Variants in DNAJB6 observed in about 807,000 individuals in gnomAD.
DNAJB6 encodes the protein dnaJ homolog subfamily B member 6.
Under a neutral mutation model 42.7 loss-of-function variants are expected in DNAJB6, and 16 were observed. The ratio of observed to expected loss-of-function variants is 0.37; its 90% CI spans 0.25 to 0.57. The LOEUF is 0.57. Among genes scored for constraint, DNAJB6 ranks in the 20% least tolerant of loss-of-function variants. DNAJB6 has a pLI of 0.74. For missense variants in DNAJB6, 347 were observed against 416.8 expected, an observed-to-expected ratio of 0.83 and a Z score of 1.46; for synonymous variants, 170 against 163.5, an observed-to-expected ratio of 1.04 and a Z score of -0.30.
chr7:157,385,494 G>T, intron 7 of DNAJB6, 47 bp from the exon 8 acceptor site: 8 of 1,586,956 alleles, frequency 5.0e-6, no homozygotes, highest in Non-Finnish European at 6.9e-6. Context: ...CCTCACACAT[G>T]CATTTTCTTT....
rs1563115199 is a variant in DNAJB6, at chr7:157,353,588, TGTGTGTGTG to T, written c.-26-4958_-26-4950del. Among the ~76,000 whole-genome samples, 483 of 108,434 alleles carry T rather than the reference TGTGTGTGTG, an allele frequency of 4.5e-3. 4 individuals carry two copies. The highest frequency in any genetic ancestry group is 0.022 in the African/African-American group (460 of 21,288). 71.1% of individuals were successfully genotyped at this position (108,434 alleles called of 152,430 possible). A position where few individuals can be genotyped will look rare whatever the true frequency, so the allele number is the denominator to read the frequency against. On this transcript the variant is annotated intron_variant, in intron 1 of 9. Transcript: ENST00000262177. Reference sequence around the variant, plus strand: ...GTCCCGTTGTTTTTCTTGACCGGGGTGTGTGTGTGTGTGTGTGTGTGTGTGTGTGTGTGT... The same window carrying T: ...GTCCCGTTGTTTTTCTTGACCGGGGTTGTGTGTGTGTGTGTGTGTGTGTGT...
At chr7:157,406,586 G>A (rs996442617) in intron 8 of DNAJB6, among the ~76,000 whole-genome samples, 7 of 152,336 alleles carry the variant, frequency 4.6e-5, no homozygotes, top group Admixed American at 1.3e-4. Flanking sequence ...GTGCAGGAGA[G>A]GATGGGGCGC....
At position 157,341,021 on chromosome 7, in the gene DNAJB6, C is replaced by T. The variant is rs551386397; in HGVS notation, c.-27+3877C>T. 4.9e-5 allele frequency among the ~76,000 whole-genome samples: 7 copies of T among 141,784 alleles called. No individual in the cohort carries two copies. The East Asian group carries it at 1.5e-3, about 31-fold the overall frequency. The allele number at this position is 141,784 out of a possible 152,430, so 93.0% of individuals were successfully genotyped here. On this transcript the variant is annotated intron_variant, in intron 1 of 9. Transcript: ENST00000262177. ...GTGCGCGCGCGCAGGTGGAATCACC[C>T]TGTGTGCCCAGGCTGGTCTCGAACT...
chr7:157,400,287 C>CTG (rs1801790314), intron 8 of DNAJB6, among the ~76,000 whole-genome samples: 2 of 151,848 alleles, frequency 1.3e-5, no homozygotes, highest in East Asian at 1.9e-4. Context: ...GCCCGGGTCC[C>CTG]CGCGCCTTCG....
chr7:157,344,098 T>TG (rs1798559192), intron 1 of DNAJB6, among the ~76,000 whole-genome samples: 1 of 152,156 alleles, frequency 6.6e-6, no homozygotes, highest in Admixed American at 6.6e-5. Flanking sequence ...CCCAGTACTT[T>TG]GGGAGGCCAA....
chr7:157,339,281 C>CT (rs34284253), intron 1 of DNAJB6, among the ~76,000 whole-genome samples: 4,517 of 68,150 alleles, frequency 0.066, 1,186 homozygotes, highest in Non-Finnish European at 0.086. Flanking sequence ...CTGTTTGCAC[C>CT]TTTTTTTTTT....
chr7:157,341,166 C>T (rs773648340), intron 1 of DNAJB6, among the ~76,000 whole-genome samples: 1 of 152,080 alleles, frequency 6.6e-6, no homozygotes, highest in African/African-American at 2.4e-5. Context: ...TCTCATATTG[C>T]CCAGGCTGGA....
At chr7:157,400,329 A>G (rs1233805095) in intron 8 of DNAJB6, among the ~76,000 whole-genome samples, 2 of 149,666 alleles carry the variant, frequency 1.3e-5, no homozygotes, top group South Asian at 2.1e-4. Flanking sequence ...AGGTCTGAGC[A>G]TGGGGGATGC....
At chr7:157,369,525 CCCT>C in intron 5 of DNAJB6, 2 of 394,846 alleles carry the variant, frequency 5.1e-6, no homozygotes, top group Non-Finnish European at 1.0e-5. Flanking sequence ...CTTCAACAGG[CCCT>C]GCTTAACATT....
At chr7:157,355,695 G>A (rs1379479606) in intron 1 of DNAJB6, among the ~76,000 whole-genome samples, 1 of 152,180 alleles carries the variant, frequency 6.6e-6, no homozygotes, top group Non-Finnish European at 1.5e-5. Context: ...TGCAGGAGGA[G>A]CGCAGAGGTG....
intron 5 of DNAJB6, among the ~76,000 whole-genome samples, chr7:157,371,850 C>T (rs1800225730): frequency 6.6e-6 from 1 of 152,192 alleles, no homozygotes; most frequent in Admixed American, 6.5e-5. Context: ...GCAGGCATTA[C>T]ATCTGGGAAA....
chr7:157,405,981 G>A (rs1795754129), intron 8 of DNAJB6, among the ~76,000 whole-genome samples: 3 of 152,254 alleles, frequency 2.0e-5, no homozygotes, highest in African/African-American at 7.2e-5. Flanking sequence ...CTGGCAGTGA[G>A]GTGAACAGAG....
At chr7:157,393,550 C>T (rs1290278499) in intron 8 of DNAJB6, among the ~76,000 whole-genome samples, 2 of 152,172 alleles carry the variant, frequency 1.3e-5, no homozygotes, top group Non-Finnish European at 2.9e-5. Context: ...GGGTGAAGCT[C>T]CCGGCCCTGT....
intron 1 of DNAJB6, among the ~76,000 whole-genome samples, chr7:157,350,125 T>G (rs766644670): frequency 3.3e-5 from 5 of 152,182 alleles, no homozygotes; most frequent in Non-Finnish European, 4.4e-5. Context: ...TGGTCCATTT[T>G]CCCGTCCTGA....
chr7:157,352,243 C>T (rs953642179), intron 1 of DNAJB6, among the ~76,000 whole-genome samples: 14 of 151,938 alleles, frequency 9.2e-5, no homozygotes, highest in African/African-American at 2.9e-4. Context: ...ACAGGAAAGT[C>T]GCTTGAACCA....
At chr7:157,385,380 G>A (rs1182366091) in intron 7 of DNAJB6, among the ~76,000 whole-genome samples, 161 bp from the exon 8 acceptor site, 1 of 152,206 alleles carries the variant, frequency 6.6e-6, no homozygotes, top group African/African-American at 2.4e-5. Context: ...TTTTAGGAAA[G>A]GAAGATGTGT....
intron 1 of DNAJB6, among the ~76,000 whole-genome samples, chr7:157,349,236 T>A (rs1421469572): frequency 6.6e-6 from 1 of 152,202 alleles, no homozygotes; most frequent in Non-Finnish European, 1.5e-5. Flanking sequence ...ACTTTTATTA[T>A]TTCCAAAGCT....
chr7:157,339,446 C>G (rs1039825832), intron 1 of DNAJB6, among the ~76,000 whole-genome samples: 1 of 151,752 alleles, frequency 6.6e-6, no homozygotes, highest in African/African-American at 2.4e-5. Flanking sequence ...TTCAAGCTTC[C>G]GCCACCACAG....
intron 1 of DNAJB6, among the ~76,000 whole-genome samples, chr7:157,349,972 A>G (rs1231982899): frequency 1.3e-5 from 2 of 152,140 alleles, no homozygotes; most frequent in African/African-American, 4.8e-5. Flanking sequence ...TATTTTTAGT[A>G]GATTCAGAGT....
Sources: gnomAD v4.1 joint callset for allele counts (sites outside exome capture counted in the v4.1 genomes callset) on GRCh38, gnomAD v4.1.1 for gene constraint, MANE v1.5 for transcripts, NCBI Gene and HGNC (gene_info 2026-07-23, HGNC 2026-07-21) for gene names.